EFCAB6: variants seen among roughly 807,000 people sequenced by gnomAD.
The protein encoded by EFCAB6 is EF-hand calcium-binding domain-containing protein 6.
A neutral mutation model predicts 169.8 loss-of-function variants in EFCAB6; 156 were observed. The observed-to-expected ratio is 0.92, with a 90% confidence interval of 0.81 to 1.05. EFCAB6 has a LOEUF of 1.05. Among genes scored for constraint, EFCAB6 ranks in the 50% least tolerant of loss-of-function variants. The pLI, the probability that EFCAB6 is intolerant of heterozygous loss-of-function variation, is 0.00. For missense variants in EFCAB6, 1,800 were observed against 1,829.1 expected (o/e 0.98, Z 0.29); for synonymous variants, 698 against 676.4 (o/e 1.03, Z -0.50).
intron 8 of EFCAB6, among the ~76,000 whole-genome samples, chr22:43,729,945 T>C (rs891398203): frequency 6.6e-6 from 1 of 151,900 alleles, no homozygotes; most frequent in African/African-American, 2.4e-5. Flanking sequence ...GAGGATCACT[T>C]AAGCACAGGA....
intron 21 of EFCAB6, among the ~76,000 whole-genome samples, chr22:43,611,785 G>C (rs556368270): frequency 4.7e-4 from 72 of 152,238 alleles, no homozygotes; most frequent in African/African-American, 1.6e-3. Context: ...GTGACAGAGT[G>C]AGACCCTGTC....
Position 43,580,465 on chromosome 22 carries a change from G to A in EFCAB6, c.3227C>T (p.Thr1076Met), listed in dbSNP as rs373683883. 114 of 1,613,878 alleles carry A rather than the reference G, an allele frequency of 7.1e-5. No individual in the cohort carries two copies. Among genetic ancestry groups the A allele is most frequent in the Middle Eastern group, 1.6e-4 (1 of 6,070 alleles). Residue 1076 changes from threonine (T) to methionine (M), a missense_variant and splice_region_variant, in exon 25 of 32, where the codon ACG becomes ATG. Coordinates refer to ENST00000262726, the MANE Select transcript of EFCAB6 (RefSeq NM_022785.4). Reference sequence around the variant, plus strand: ...TAAAGCACTTTCAGCCTGTCATACCGTGGACAAAGCCAGCTGGGAGGACTC... The same window carrying A: ...TAAAGCACTTTCAGCCTGTCATACCATGGACAAAGCCAGCTGGGAGGACTC... ...VVESSQLALS[T>M]AFSALDKEDT... is the part of the protein sequence containing the mutation.
At chr22:43,647,220 C>G (rs1041607741) in intron 17 of EFCAB6, among the ~76,000 whole-genome samples, 1 of 151,318 alleles carries the variant, frequency 6.6e-6, no homozygotes, top group African/African-American at 2.4e-5. Context: ...AGGAATAACA[C>G]CTATTAACCA....
chr22:43,783,322 C>A (rs1308409134), intron 2 of EFCAB6, among the ~76,000 whole-genome samples: 2 of 152,126 alleles, frequency 1.3e-5, no homozygotes, highest in African/African-American at 4.8e-5. Context: ...TGAAAAAGCG[C>A]CCACATATTC....
intron 10 of EFCAB6, among the ~76,000 whole-genome samples, chr22:43,709,248 A>T (rs531779380): frequency 6.6e-6 from 1 of 152,076 alleles, no homozygotes. Flanking sequence ...TGCCCGGCTA[A>T]TTTTTGCACT....
At chr22:43,540,618 G>A in intron 27 of EFCAB6, 1 of 1,298,338 alleles carries the variant, frequency 7.7e-7, no homozygotes, top group African/African-American at 1.5e-5. Flanking sequence ...CCCTCAGTGA[G>A]CACTTTAAGG....
chr22:43,712,131 T>TA (rs2059183599), intron 9 of EFCAB6, among the ~76,000 whole-genome samples: 1 of 152,180 alleles, frequency 6.6e-6, no homozygotes, highest in African/African-American at 2.4e-5. Flanking sequence ...TTCTTTTTTT[T>TA]AATGAGGAAT....
At chr22:43,684,227 C>G (rs2058107839) in intron 11 of EFCAB6, among the ~76,000 whole-genome samples, 1 of 152,194 alleles carries the variant, frequency 6.6e-6, no homozygotes, top group Non-Finnish European at 1.5e-5. Context: ...CACATTGTAG[C>G]TGTCTCATCC....
intron 17 of EFCAB6, among the ~76,000 whole-genome samples, chr22:43,638,438 G>A (rs986984915): frequency 2.6e-5 from 4 of 152,162 alleles, no homozygotes; most frequent in Non-Finnish European, 5.9e-5. Context: ...CATCCCTGGG[G>A]CATCCCTTAG....
chr22:43,617,442 C>T (rs1280916690), intron 20 of EFCAB6, among the ~76,000 whole-genome samples: 1 of 152,178 alleles, frequency 6.6e-6, no homozygotes, highest in Non-Finnish European at 1.5e-5. Flanking sequence ...CTTTTCACAC[C>T]CTGATTTCTT....
At chr22:43,567,230 C>T (rs2049504341) in intron 26 of EFCAB6, among the ~76,000 whole-genome samples, 1 of 152,096 alleles carries the variant, frequency 6.6e-6, no homozygotes, top group African/African-American at 2.4e-5. Context: ...TATGCTGAGA[C>T]CTTTGCAAAC....
chr22:43,546,597 G>T (rs984349095), intron 27 of EFCAB6, among the ~76,000 whole-genome samples: 3 of 152,180 alleles, frequency 2.0e-5, no homozygotes, highest in Admixed American at 2.0e-4. Context: ...CAGGCCGGGC[G>T]TGGTGGCTCA....
At chr22:43,619,365 A>AT (rs559507638) in intron 20 of EFCAB6, among the ~76,000 whole-genome samples, 40 of 152,344 alleles carry the variant, frequency 2.6e-4, no homozygotes, top group African/African-American at 9.6e-4. Flanking sequence ...ACTACAGAGG[A>AT]TTTTAACAAA....
At chr22:43,643,403 G>A (rs2055934098) in intron 17 of EFCAB6, among the ~76,000 whole-genome samples, 1 of 152,202 alleles carries the variant, frequency 6.6e-6, no homozygotes, top group Non-Finnish European at 1.5e-5. Flanking sequence ...GTTCAACTTT[G>A]TCCTTTACTG....
At chr22:43,532,968 G>A (rs573399704) in intron 30 of EFCAB6, among the ~76,000 whole-genome samples, 4 of 152,354 alleles carry the variant, frequency 2.6e-5, no homozygotes, top group African/African-American at 9.6e-5. Flanking sequence ...TTAATTCAGC[G>A]TAACTCAATT....
intron 8 of EFCAB6, among the ~76,000 whole-genome samples, chr22:43,728,742 C>T (rs2059829674): frequency 6.6e-6 from 1 of 152,162 alleles, no homozygotes; most frequent in Non-Finnish European, 1.5e-5. Context: ...ATCCTTCACC[C>T]ACTTTTTGAT....
At chr22:43,675,230 T>C (rs916395646) in intron 13 of EFCAB6, among the ~76,000 whole-genome samples, 5 of 144,140 alleles carry the variant, frequency 3.5e-5, no homozygotes, top group African/African-American at 1.3e-4. Context: ...ACTATGTATA[T>C]ATAACTATGT....
intron 26 of EFCAB6, among the ~76,000 whole-genome samples, chr22:43,575,174 TTTG>T (rs56125626): frequency 5.3e-5 from 8 of 150,882 alleles, no homozygotes; most frequent in South Asian, 2.1e-4. Flanking sequence ...ATAGACTGTT[TTTG>T]TTGTTGTTGT....
Position 43,698,769 on chromosome 22 carries a change from CT to C in EFCAB6, c.1032-11189del, listed in dbSNP as rs2058667464. On this transcript the variant is annotated intron_variant, in intron 10 of 31. Transcript: ENST00000262726. ...TGGGTAACTCACCAGGTGAACAATG[CT>C]GCCCAGCAAAGATGCTGACAGAGAA... Among the ~76,000 whole-genome samples the C allele has an allele frequency of 2.0e-5, 3 of 152,270 alleles. No individual in the cohort carries two copies. In the South Asian group the frequency reaches 6.2e-4, roughly 32 times the overall value.
Sources: gnomAD v4.1 joint callset for allele counts (sites outside exome capture counted in the v4.1 genomes callset) on GRCh38, gnomAD v4.1.1 for gene constraint, MANE v1.5 for transcripts, NCBI Gene and HGNC (gene_info 2026-07-23, HGNC 2026-07-21) for gene names.